RPS6KA2: variants seen among roughly 807,000 people sequenced by gnomAD.
The protein encoded by RPS6KA2 is ribosomal protein S6 kinase alpha-2.
A neutral mutation model predicts 91.8 loss-of-function variants in RPS6KA2; 42 were observed. The ratio of observed to expected loss-of-function variants is 0.46; its 90% CI spans 0.36 to 0.59. The LOEUF (loss-of-function observed/expected upper bound fraction) is 0.59, where lower values mean the gene tolerates loss of function less well. Among genes scored for constraint, RPS6KA2 ranks in the 20% least tolerant of loss-of-function variants. The pLI is 0.00. For missense variants in RPS6KA2, 798 were observed against 978.5 expected, an observed-to-expected ratio of 0.82 and a Z score of 2.46; for synonymous variants, 414 against 393.6, an observed-to-expected ratio of 1.05 and a Z score of -0.61.
chr6:166,810,925 A>G (rs1173200770), intron 2 of RPS6KA2, among the ~76,000 whole-genome samples: 1 of 152,188 alleles, frequency 6.6e-6, no homozygotes, highest in African/African-American at 2.4e-5. Context: ...AGACAGTGAC[A>G]ACTTCATACA....
intron 1 of RPS6KA2, among the ~76,000 whole-genome samples, chr6:166,606,979 T>G (rs549602220): frequency 2.0e-5 from 3 of 152,018 alleles, no homozygotes; most frequent in Non-Finnish European, 4.4e-5. Flanking sequence ...CTGTCTCTAC[T>G]AAAAATGCAA....
intron 3 of RPS6KA2, among the ~76,000 whole-genome samples, chr6:166,526,287 C>G (rs1478334796): frequency 2.7e-5 from 4 of 147,758 alleles, no homozygotes; most frequent in Non-Finnish European, 4.5e-5. Context: ...TTAAAGCTGA[C>G]TTTTAAGGAA....
intron 2 of RPS6KA2, chr6:166,702,087 A>T (rs1170782041): frequency 5.9e-5 from 83 of 1,402,626 alleles, no homozygotes; most frequent in Non-Finnish European, 7.8e-5. Context: ...TCAGGAGTAG[A>T]GAGGATAGTA....
At chr6:166,753,353 T>G (rs1439186208) in intron 2 of RPS6KA2, among the ~76,000 whole-genome samples, 3 of 152,238 alleles carry the variant, frequency 2.0e-5, no homozygotes, top group Admixed American at 6.5e-5. Context: ...AATAAAATTT[T>G]AGTTATAACT....
intron 2 of RPS6KA2, among the ~76,000 whole-genome samples, chr6:166,855,185 G>C (rs1461831605): frequency 1.3e-5 from 2 of 152,212 alleles, no homozygotes; most frequent in Non-Finnish European, 2.9e-5. Flanking sequence ...AAAGGTGGGA[G>C]CGTGGGAGTG....
intron 2 of RPS6KA2, among the ~76,000 whole-genome samples, chr6:166,686,638 A>C (rs1240883107): frequency 6.6e-6 from 1 of 152,068 alleles, no homozygotes; most frequent in Non-Finnish European, 1.5e-5. Context: ...ACTTCTGCTC[A>C]TGCTTCAGCC....
chr6:166,862,344 C>T (rs1054921304), exon 1 of RPS6KA2: 9 of 1,455,678 alleles, frequency 6.2e-6, no homozygotes, highest in Non-Finnish European at 8.1e-6. Flanking sequence ...AGGTCGTGAG[C>T]GCGGGGCCTG....
chr6:166,458,171 C>T (rs1202467200), intron 12 of RPS6KA2, among the ~76,000 whole-genome samples: 1 of 152,202 alleles, frequency 6.6e-6, no homozygotes, highest in Admixed American at 6.5e-5. Flanking sequence ...CCACCCAAAT[C>T]TCAGGCTCTG....
intron 14 of RPS6KA2, among the ~76,000 whole-genome samples, chr6:166,438,931 C>G (rs1337315909): frequency 1.3e-5 from 2 of 152,158 alleles, no homozygotes; most frequent in Non-Finnish European, 2.9e-5. Context: ...AAAAAAAATT[C>G]TCAATGAATG....
intron 14 of RPS6KA2, among the ~76,000 whole-genome samples, chr6:166,443,597 G>A (rs1779587590): frequency 6.6e-6 from 1 of 152,202 alleles, no homozygotes; most frequent in Admixed American, 6.5e-5. Flanking sequence ...CAGCAGCAAT[G>A]GAAGGCTGCT....
At chr6:166,587,021 T>TC (rs1399941716) in intron 1 of RPS6KA2, among the ~76,000 whole-genome samples, 1 of 152,058 alleles carries the variant, frequency 6.6e-6, no homozygotes, top group African/African-American at 2.4e-5. Flanking sequence ...ATAGTCTCTT[T>TC]CCCCCCACAG....
intron 2 of RPS6KA2, among the ~76,000 whole-genome samples, chr6:166,762,447 C>G (rs1778202454): frequency 6.6e-6 from 1 of 152,154 alleles, no homozygotes. Context: ...CAAATTCCCC[C>G]ACGGCACCTG....
intron 2 of RPS6KA2, among the ~76,000 whole-genome samples, chr6:166,775,501 C>T (rs1464219018): frequency 6.6e-6 from 1 of 152,198 alleles, no homozygotes; most frequent in Admixed American, 6.5e-5. Flanking sequence ...TACTGATGTG[C>T]TCCTGGAAGA....
chr6:166,496,982 C>G (rs1384744008), intron 8 of RPS6KA2, among the ~76,000 whole-genome samples: 1 of 152,228 alleles, frequency 6.6e-6, no homozygotes, highest in Non-Finnish European at 1.5e-5. Flanking sequence ...CCACCACTCA[C>G]CAGCCAGGGT....
intron 3 of RPS6KA2, among the ~76,000 whole-genome samples, chr6:166,527,825 G>C (rs1279170551): frequency 6.6e-6 from 1 of 152,196 alleles, no homozygotes; most frequent in African/African-American, 2.4e-5. Context: ...GTGCCTGGCT[G>C]TTCCCGCTAA....
chr6:166,729,133 G>C (rs1209468230), intron 2 of RPS6KA2, among the ~76,000 whole-genome samples: 1 of 152,188 alleles, frequency 6.6e-6, no homozygotes, highest in African/African-American at 2.4e-5. Flanking sequence ...TGAGTAGGGG[G>C]TAGCCTAGGC....
chr6:166,713,328 T>C (rs1789921308), intron 2 of RPS6KA2, among the ~76,000 whole-genome samples: 1 of 152,258 alleles, frequency 6.6e-6, no homozygotes, highest in African/African-American at 2.4e-5. Context: ...TGTTTTGTTT[T>C]GTTTTGTTTT....
intron 2 of RPS6KA2, 118 bp from the exon 3 acceptor site, chr6:166,531,431 C>G: frequency 1.3e-6 from 1 of 776,998 alleles, no homozygotes; most frequent in East Asian, 2.5e-5. Flanking sequence ...AACAAGTACA[C>G]TGGTGAGAAT....
intron 2 of RPS6KA2, among the ~76,000 whole-genome samples, chr6:166,772,178 C>T (rs1321935509): frequency 6.6e-6 from 1 of 152,220 alleles, no homozygotes; most frequent in South Asian, 2.1e-4. Flanking sequence ...CCCTTCTCCC[C>T]TCCTGGCAAG....
Sources: allele counts gnomAD v4.1 joint callset (sites outside exome capture counted in the v4.1 genomes callset), GRCh38; gene constraint gnomAD v4.1.1; transcripts MANE v1.5; gene names NCBI Gene and HGNC (gene_info 2026-07-23, HGNC 2026-07-21).